Variants in IL1RAPL1 observed in about 807,000 individuals in gnomAD.
IL1RAPL1 encodes the protein interleukin 1 receptor accessory protein like 1.
IL1RAPL1 carries 3 observed loss-of-function variants against 48.4 expected under a neutral mutation model. That is an observed-to-expected ratio of 0.06 (90% CI 0.03 to 0.16). The LOEUF is 0.16. Among genes scored for constraint, IL1RAPL1 ranks in the 10% least tolerant of loss-of-function variants. The pLI, the probability that IL1RAPL1 is intolerant of heterozygous loss-of-function variation, is 1.00. For missense variants in IL1RAPL1, 349 were observed against 530.6 expected (o/e 0.66, Z 3.36); for synonymous variants, 185 against 187.7 (o/e 0.99, Z 0.12).
At chrX:29,008,375 C>T (rs1287366533) in intron 2 of IL1RAPL1, among the ~76,000 whole-genome samples, 2 of 110,998 alleles carry the variant, frequency 1.8e-5, no homozygotes, top group Non-Finnish European at 3.8e-5. Flanking sequence ...GGAGTTTCAC[C>T]GTGTGTTAGC....
chrX:28,604,654 G>A (rs1343505949), intron 1 of IL1RAPL1, among the ~76,000 whole-genome samples: 1 of 104,155 alleles, frequency 9.6e-6, no homozygotes, highest in African/African-American at 3.5e-5. Flanking sequence ...TTGAACCCGG[G>A]AGGCGGAGGT....
chrX:28,735,569 G>A (rs756306733), intron 1 of IL1RAPL1, among the ~76,000 whole-genome samples: 19 of 109,977 alleles, frequency 1.7e-4, no homozygotes, highest in South Asian at 1.6e-3. Context: ...CTTGAGGCCC[G>A]GAGTTCAAGC....
intron 2 of IL1RAPL1, among the ~76,000 whole-genome samples, chrX:29,190,979 A>T (rs1416931307): frequency 2.7e-5 from 3 of 111,891 alleles, no homozygotes; most frequent in Non-Finnish European, 5.6e-5. Flanking sequence ...AAAAATACTT[A>T]TTTTGGAATT....
intron 5 of IL1RAPL1, among the ~76,000 whole-genome samples, chrX:29,480,306 A>ATATATATATATATG (rs1389593042): frequency 9.9e-6 from 1 of 100,562 alleles, no homozygotes; most frequent in African/African-American, 3.7e-5. Flanking sequence ...ATATATATAT[A>ATATATATATATATG]TATATATATA....
At chrX:29,471,023 C>A (rs1266284989) in intron 5 of IL1RAPL1, among the ~76,000 whole-genome samples, 2 of 111,749 alleles carry the variant, frequency 1.8e-5, no homozygotes, top group Non-Finnish European at 3.8e-5. Context: ...CATTTTATCA[C>A]CCCCAAAACA....
At chrX:29,381,833 A>ATATATATATATAT (rs1556002319) in intron 3 of IL1RAPL1, among the ~76,000 whole-genome samples, 1 of 25,385 alleles carries the variant, frequency 3.9e-5, no homozygotes, top group East Asian at 1.2e-3. Flanking sequence ...AAAAAAAAAA[A>ATATATATATATAT]ATATATATAT....
At chrX:29,114,662 T>C (rs1363954402) in intron 2 of IL1RAPL1, among the ~76,000 whole-genome samples, 1 of 111,359 alleles carries the variant, frequency 9.0e-6, no homozygotes. Context: ...AGTTTCACTC[T>C]TGTTGGCCAG....
At chrX:29,065,310 G>C (rs1927431079) in intron 2 of IL1RAPL1, among the ~76,000 whole-genome samples, 3 of 111,424 alleles carry the variant, frequency 2.7e-5, no homozygotes, top group Admixed American at 9.6e-5. Flanking sequence ...CTTGGTTGAT[G>C]ATTTTGTTTC....
chrX:29,778,444 C>T (rs1929258086), intron 6 of IL1RAPL1, among the ~76,000 whole-genome samples: 1 of 111,927 alleles, frequency 8.9e-6, no homozygotes, highest in South Asian at 3.7e-4. Flanking sequence ...TGAGTCTCCA[C>T]CTCTACAATG....
intron 5 of IL1RAPL1, among the ~76,000 whole-genome samples, chrX:29,581,742 G>T (rs1452023060): frequency 9.1e-6 from 1 of 110,239 alleles, no homozygotes; most frequent in African/African-American, 3.3e-5. Context: ...CATATCTCTT[G>T]CTCCTTCTGC....
intron 3 of IL1RAPL1, among the ~76,000 whole-genome samples, chrX:29,364,227 A>G (rs868646847): frequency 9.8e-5 from 11 of 111,753 alleles, no homozygotes; most frequent in Admixed American, 2.9e-4. Context: ...CTCTGCCTTT[A>G]TGGGTTTTGC....
chrX:28,920,754 A>G (rs148092170), intron 2 of IL1RAPL1, among the ~76,000 whole-genome samples: 17 of 112,022 alleles, frequency 1.5e-4, no homozygotes, highest in Non-Finnish European at 1.3e-4. Context: ...GCCTGAACCT[A>G]AAATAAGGCC....
chrX:29,550,607 C>CA (rs1306144159), intron 5 of IL1RAPL1, among the ~76,000 whole-genome samples: 2 of 108,783 alleles, frequency 1.8e-5, no homozygotes, highest in Admixed American at 9.8e-5. Flanking sequence ...AAATCCTTAA[C>CA]TTTTTTTTTT....
chrX:29,834,436 A>G (rs1930948418), intron 6 of IL1RAPL1, among the ~76,000 whole-genome samples: 1 of 110,173 alleles, frequency 9.1e-6, no homozygotes, highest in African/African-American at 3.3e-5. Context: ...TCATAGAAAT[A>G]TCACAGCACA....
At chrX:29,572,935 G>A (rs191481920) in intron 5 of IL1RAPL1, among the ~76,000 whole-genome samples, 13 of 112,090 alleles carry the variant, frequency 1.2e-4, no homozygotes, top group African/African-American at 4.2e-4. Flanking sequence ...GAAAAATAGT[G>A]TTATCTTAGT....
intron 6 of IL1RAPL1, among the ~76,000 whole-genome samples, chrX:29,791,244 A>G (rs1008168074): frequency 5.4e-5 from 6 of 110,618 alleles, no homozygotes; most frequent in Non-Finnish European, 1.1e-4. Flanking sequence ...ACAAGTTTCA[A>G]AAGAGCTCCT....
chrX:29,804,300 A>G (rs1431198225), intron 6 of IL1RAPL1, among the ~76,000 whole-genome samples: 1 of 111,387 alleles, frequency 9.0e-6, no homozygotes, highest in Non-Finnish European at 1.9e-5. Flanking sequence ...GGGTCAGGGA[A>G]AACATTAAAT....
chrX:29,822,864 A>G (rs1219212400), intron 6 of IL1RAPL1, among the ~76,000 whole-genome samples: 1 of 112,082 alleles, frequency 8.9e-6, no homozygotes, highest in South Asian at 3.7e-4. Context: ...GATGGTTCCT[A>G]TATTTATATA....
chrX:29,442,850 CCTAA>C (rs1199547171), intron 5 of IL1RAPL1, among the ~76,000 whole-genome samples: 6 of 92,239 alleles, frequency 6.5e-5, no homozygotes, highest in Admixed American at 4.6e-4. Context: ...ACGGCAAGAC[CCTAA>C]CTATCTCAAA....
Sources: allele counts gnomAD v4.1 joint callset (sites outside exome capture counted in the v4.1 genomes callset), GRCh38; gene constraint gnomAD v4.1.1; transcripts MANE v1.5; gene names NCBI Gene and HGNC (gene_info 2026-07-23, HGNC 2026-07-21).